Variants in TGFBR2 observed in about 807,000 individuals in gnomAD.
The protein encoded by TGFBR2 is TGF-beta receptor type-2.
TGFBR2 carries 18 observed loss-of-function variants against 49.0 expected under a neutral mutation model. The observed-to-expected ratio is 0.37, with a 90% CI of 0.25 to 0.54. The LOEUF is 0.54. Ranked by LOEUF, TGFBR2 falls within the 20% of genes least tolerant of loss-of-function variation. TGFBR2 has a pLI of 0.85. For missense variants in TGFBR2, 525 were observed against 722.6 expected (o/e 0.73, Z 3.13); for synonymous variants, 282 against 275.9 (o/e 1.02, Z -0.22).
rs1019011621 is a variant in TGFBR2 at position 30,677,532 on chromosome 3, G to A, written c.1396+3286G>A. On this transcript the variant is annotated intron_variant, in intron 5 of 6. Transcript: ENST00000295754. ...CACTTGATTAAGCGTGTGAACTCAC[G>A]TAGTAAGCTCCTTCTCCCACCTTGA... is the stretch of plus-strand genomic sequence containing the variant. 4.6e-5 allele frequency among the ~76,000 whole-genome samples: 7 copies of A among 152,278 alleles called. 1 individual carries two copies. Among genetic ancestry groups the A allele is most frequent in the Middle Eastern group, 3.4e-3 (1 of 294 alleles).
chr3:30,644,215 A>G (rs1404781840), intron 1 of TGFBR2, among the ~76,000 whole-genome samples: 1 of 152,186 alleles, frequency 6.6e-6, no homozygotes, highest in Non-Finnish European at 1.5e-5. Context: ...TTGTGCCTCC[A>G]GCAACGGTTC....
Position 30,606,916 on chromosome 3 carries a change from G to C in TGFBR2, c.33G>C (p.Pro11=). Residue 11 remains proline, a synonymous_variant, in exon 1 of 7, where the codon CCG becomes CCC. Transcript: ENST00000295754. MGRGLLRGLW[P]LHIVLWTRIA... The stretch of plus-strand genomic sequence containing the variant: ...GGGGGCTGCTCAGGGGCCTGTGGCC[G>C]CTGCACATCGTCCTGTGGACGCGTA... 1 of 1,595,672 alleles carries C rather than the reference G, an allele frequency of 6.3e-7. No individual in the cohort carries two copies. The highest frequency in any genetic ancestry group is 8.5e-7 in the Non-Finnish European group (1 of 1,170,680).
chr3:30,683,171 C>A (rs1239900020), intron 5 of TGFBR2, among the ~76,000 whole-genome samples: 1 of 152,174 alleles, frequency 6.6e-6, no homozygotes, highest in African/African-American at 2.4e-5. Context: ...TCATTTGAAA[C>A]CCTTAAAATA....
At position 30,650,443 on chromosome 3, in the gene TGFBR2, A is replaced by G. The variant is rs863223836; in HGVS notation, c.437A>G (p.Asn146Ser). The G allele has an allele frequency of 6.2e-6, 10 of 1,613,956 alleles. No homozygotes were observed. The highest frequency in any genetic ancestry group is 8.5e-6 in the Non-Finnish European group (10 of 1,179,956). ...TGTAGCTCTGATGAGTGCAATGACA[A>G]CATCATCTTCTCAGAAGGTGAGTTT... The part of the protein sequence containing the change: ...CSCSSDECND[N>S]IIFSEEYNTS... Residue 146 changes from asparagine (N) to serine (S), a missense_variant, in exon 3 of 7, where the codon AAC (asparagine) becomes AGC (serine). Physicochemically the swap from Asn to Ser is conservative, Grantham distance 46. Coordinates refer to ENST00000295754, the MANE Select transcript of TGFBR2 (RefSeq NM_003242.6).
At position 30,650,727 on chromosome 3, in the gene TGFBR2, T is replaced by C. The variant is rs2029314; in HGVS notation, c.454+267T>C. ...GAGCAGTGTTTCTCAAAGTGCGGCC[T>C]CTTGAGCAGCCAGCATCAGTATCAC... On this transcript the variant is annotated intron_variant, in intron 3 of 6. Transcript: ENST00000295754. 0.9 allele frequency among the ~76,000 whole-genome samples: 137,494 copies of C among 152,200 alleles called. 62,249 individuals carry two copies. Among genetic ancestry groups the C allele is most frequent in the East Asian group, 1 (5,160 of 5,174 alleles).
intron 3 of TGFBR2, among the ~76,000 whole-genome samples, chr3:30,665,642 C>G (rs1384499269): frequency 6.6e-6 from 1 of 152,200 alleles, no homozygotes; most frequent in Admixed American, 6.5e-5. Flanking sequence ...AGGCAGATCT[C>G]CCATTGGCAC....
At chr3:30,679,514 G>C (rs530941323) in intron 5 of TGFBR2, among the ~76,000 whole-genome samples, 2 of 152,358 alleles carry the variant, frequency 1.3e-5, no homozygotes, top group Admixed American at 1.3e-4. Context: ...CTCGGGAGAT[G>C]TGTTGCAGTT....
rs1699387118 is a variant in TGFBR2, at chr3:30,674,000, T to TA, written c.1255-98dup. ...TCTTTAAAACAGCACTTTGATTTTTTAAAAAAATCCTCTGCACGTGTCAGG... is the reference window on the plus strand; with the variant it reads ...TCTTTAAAACAGCACTTTGATTTTTTAAAAAAAATCCTCTGCACGTGTCAGG... On this transcript the variant is annotated intron_variant, in intron 4 of 6. Coordinates refer to ENST00000295754, the MANE Select transcript of TGFBR2 (RefSeq NM_003242.6). The TA allele has an allele frequency of 8.6e-6, 12 of 1,395,554 alleles. 1 individual carries two copies. The highest frequency in any genetic ancestry group is 1.8e-4 in the Middle Eastern group (1 of 5,408). 86.4% of individuals were successfully genotyped at this position (1,395,554 alleles called of 1,614,324 possible).
At chr3:30,626,984 A>G (rs1325347656) in intron 1 of TGFBR2, among the ~76,000 whole-genome samples, 2 of 152,208 alleles carry the variant, frequency 1.3e-5, no homozygotes, top group Admixed American at 6.5e-5. Context: ...AGTCACTGGC[A>G]GATTGTAAGT....
intron 1 of TGFBR2, among the ~76,000 whole-genome samples, chr3:30,631,275 C>T (rs1698432470): frequency 6.6e-6 from 1 of 151,990 alleles, no homozygotes; most frequent in Admixed American, 6.6e-5. Context: ...TTCTTGACCT[C>T]GTGATTCACC....
chr3:30,674,274 G>C, intron 5 of TGFBR2, 28 bp downstream of exon 5: 8 of 1,613,744 alleles, frequency 5.0e-6, no homozygotes, highest in Non-Finnish European at 6.8e-6. Flanking sequence ...TCATTGTGTA[G>C]TGGTAAACTT....
intron 1 of TGFBR2, among the ~76,000 whole-genome samples, chr3:30,610,088 T>A (rs1698001468): frequency 6.6e-6 from 1 of 152,210 alleles, no homozygotes; most frequent in South Asian, 2.1e-4. Context: ...TTGCAAAAAC[T>A]GGGCATTTTT....
chr3:30,650,211 A>G (rs2125409599), intron 2 of TGFBR2, 59 bp from the exon 3 acceptor site: 1 of 1,556,110 alleles, frequency 6.4e-7, no homozygotes, highest in South Asian at 1.1e-5. Flanking sequence ...CATATTATTC[A>G]TTTATTCTCT....
At chr3:30,647,427 C>A (rs1698763004) in intron 2 of TGFBR2, among the ~76,000 whole-genome samples, 1 of 152,120 alleles carries the variant, frequency 6.6e-6, no homozygotes, top group Non-Finnish European at 1.5e-5. Context: ...ACTCTCACAG[C>A]CTCAAGGTCT....
chr3:30,617,615 G>C (rs1326679817), intron 1 of TGFBR2, among the ~76,000 whole-genome samples: 3 of 151,986 alleles, frequency 2.0e-5, no homozygotes, highest in African/African-American at 4.8e-5. Flanking sequence ...TTCTTTAGGA[G>C]CCTCATTCCT....
Position 30,619,513 on chromosome 3 carries a change from G to A in TGFBR2, c.94+12536G>A, listed in dbSNP as rs180727943. Among the ~76,000 whole-genome samples the A allele has an allele frequency of 4.6e-5, 7 of 152,204 alleles. No homozygotes were observed. In the East Asian group the frequency reaches 1.2e-3, roughly 25 times the overall value. ...CTAAGAGAGTGCCTTGTGCTGATGGGACACAGGACCAGTTTGATGACTACG... is the reference window on the plus strand; with the variant it reads ...CTAAGAGAGTGCCTTGTGCTGATGGAACACAGGACCAGTTTGATGACTACG... On this transcript the variant is annotated intron_variant, in intron 1 of 6. Coordinates refer to ENST00000295754, the MANE Select transcript of TGFBR2 (RefSeq NM_003242.6).
chr3:30,614,236 T>G (rs1698091778), intron 1 of TGFBR2, among the ~76,000 whole-genome samples: 1 of 151,788 alleles, frequency 6.6e-6, no homozygotes, highest in South Asian at 2.1e-4. Context: ...ATTGTAAATA[T>G]TTTATTTGAA....
intron 1 of TGFBR2, among the ~76,000 whole-genome samples, chr3:30,610,409 A>G (rs1018635089): frequency 7.9e-5 from 12 of 152,000 alleles, no homozygotes; most frequent in African/African-American, 2.7e-4. Flanking sequence ...TTTTGAATCA[A>G]TTTGTTGTCT....
At chr3:30,607,417 C>G (rs1381199796) in intron 1 of TGFBR2, among the ~76,000 whole-genome samples, 2 of 152,230 alleles carry the variant, frequency 1.3e-5, no homozygotes, top group Non-Finnish European at 2.9e-5. Context: ...CTGAGCCACC[C>G]GTTCAAAAGG....
Sources: allele counts gnomAD v4.1 joint callset (sites outside exome capture counted in the v4.1 genomes callset), GRCh38; gene constraint gnomAD v4.1.1; transcripts MANE v1.5; gene names NCBI Gene and HGNC (gene_info 2026-07-23, HGNC 2026-07-21).